The following ABHD11 variants were observed in gnomAD, a reference collection of about 807,000 sequenced individuals.
The protein encoded by ABHD11 is abhydrolase domain containing 11.
ABHD11 carries 26 observed loss-of-function variants against 29.0 expected under a neutral mutation model. That is an observed-to-expected ratio of 0.90 (90% CI 0.66 to 1.24). The LOEUF is 1.24. Among genes scored for constraint, ABHD11 ranks in the 50% most tolerant of loss-of-function variants. The pLI is 0.00. For synonymous variants in ABHD11, 169 were observed against 166.4 expected, an observed-to-expected ratio of 1.02 and a Z score of -0.12; for missense variants, 381 against 422.4, an observed-to-expected ratio of 0.90 and a Z score of 0.86.
chr7:73,736,548 G>C lies in ABHD11; in HGVS notation c.*11C>G. Reference sequence around the variant, plus strand: ...AGCCACCACGCCCGGCCATCTTCTTGCCAGCAACTCTTAGACCAGGAAGCC... The same window carrying C: ...AGCCACCACGCCCGGCCATCTTCTTCCCAGCAACTCTTAGACCAGGAAGCC... On this transcript the variant is annotated 3_prime_UTR_variant, in exon 6 of 6. Coordinates refer to ENST00000222800, the MANE Select transcript of ABHD11 (RefSeq NM_148912.4). The C allele has an allele frequency of 6.2e-7, 1 of 1,613,376 alleles. No homozygotes were observed.
In ABHD11 at chr7:73,736,970, C is replaced by A. The variant is rs139322195; in HGVS notation, c.747G>T (p.Gly249=). The A allele has an allele frequency of 3.6e-3, 5,753 of 1,613,602 alleles. 18 individuals carry two copies. Among genetic ancestry groups the A allele is most frequent in the Non-Finnish European group, 4.6e-3 (5,404 of 1,179,882 alleles). The change falls in exon 5 of 6, where the codon GGG becomes GGT. Residue 249 remains glycine (G), a synonymous_variant. Coordinates refer to ENST00000222800, the MANE Select transcript of ABHD11 (RefSeq NM_148912.4). Reference sequence around the variant, plus strand: ...TTCCACCAAGGAGAAAGAGTGTTGGCCCGAGGTAGGACTCCTGCCTCTGTG... The same window carrying A: ...TTCCACCAAGGAGAAAGAGTGTTGGACCGAGGTAGGACTCCTGCCTCTGTG... The part of the protein sequence containing the change: ...AFPQRQESYL[G]PTLFLLGGNS...
At chr7:73,738,245 G>A in intron 2 of ABHD11, 83 bp downstream of exon 2, 3 of 1,462,378 alleles carry the variant, frequency 2.1e-6, no homozygotes, top group South Asian at 1.3e-5. Context: ...CGTGAGAAGC[G>A]GGACCCCCCC....
Position 73,738,757 on chromosome 7 carries a change from G to T in ABHD11, c.14C>A (p.Thr5Asn), listed in dbSNP as rs1800262702. 1 of 1,608,868 alleles carries T rather than the reference G, an allele frequency of 6.2e-7. No individual in the cohort carries two copies. The highest frequency in any genetic ancestry group is 1.3e-5 in the African/African-American group (1 of 74,830). Residue 5 changes from threonine (T) to asparagine (N), a missense_variant, in exon 1 of 6, where the codon ACC (threonine) becomes AAC (asparagine). Coordinates refer to ENST00000222800, the MANE Select transcript of ABHD11 (RefSeq NM_148912.4). MLRWTRAWRLPREGL... is the reference protein window; with the variant it reads MLRWNRAWRLPREGL... ...CTCACGCGGGAGCCTCCAGGCTCGG[G>T]TCCAGCGGAGCATGCTTGCAAGCTG...
chr7:73,738,060 C>T (rs1354451951), intron 2 of ABHD11: 1 of 753,844 alleles, frequency 1.3e-6, no homozygotes, highest in Non-Finnish European at 2.4e-6. Context: ...AGGTGGTGAG[C>T]TCCCGGTCAT....
chr7:73,737,461 C>A (rs1356272852), intron 3 of ABHD11, 70 bp from the exon 4 acceptor site: 9 of 1,567,382 alleles, frequency 5.7e-6, no homozygotes, highest in Non-Finnish European at 7.8e-6. Flanking sequence ...GCTCCTGGAG[C>A]CTGAACTTGG....
rs782058518 is a variant in ABHD11, at chr7:73,737,642, G to T, written c.355C>A (p.Pro119Thr). The change falls in exon 3 of 6, where the codon CCC (proline) becomes ACC (threonine). Residue 119 changes from proline to threonine, a missense_variant. Transcript: ENST00000222800. ...IMSQDLQDLL[P>T]QLGLVPCVVV... is the part of the protein sequence containing the mutation. The stretch of plus-strand genomic sequence containing the variant: ...ACGCAGGGCACCAGGCCCAGCTGGG[G>T]CAGAAGGTCCTGCAGGTCCTGGCTC... 1 of 1,614,136 alleles carries T rather than the reference G, an allele frequency of 6.2e-7. No homozygotes were observed. Among genetic ancestry groups the T allele is most frequent in the South Asian group, 1.1e-5 (1 of 91,072 alleles).
At chr7:73,737,434 A>C in intron 3 of ABHD11, 43 bp from the exon 4 acceptor site, 2 of 1,583,052 alleles carry the variant, frequency 1.3e-6, no homozygotes, top group Non-Finnish European at 1.7e-6. Context: ...AGGCAGACAT[A>C]GGGAGTCTCA....
At chr7:73,737,779 T>C (rs1563600010) in intron 2 of ABHD11, 44 bp from the exon 3 acceptor site, 1 of 1,579,026 alleles carries the variant, frequency 6.3e-7, no homozygotes, top group African/African-American at 1.3e-5. Context: ...ATCCCCATTC[T>C]GGGGGTAGAC....
chr7:73,737,986 A>G, intron 2 of ABHD11: 1 of 764,324 alleles, frequency 1.3e-6, no homozygotes, highest in Middle Eastern at 2.2e-4. Context: ...ATCTCGGAGA[A>G]TGCCAGGAAG....
chr7:73,736,394 C>G lies in ABHD11; in HGVS notation c.*165G>C. On this transcript the variant is annotated 3_prime_UTR_variant, in exon 6 of 6. Transcript: ENST00000222800. ...AGCTGGGATTACAGGTGTGCACCACCACGCCAGGCTAATTTTTGTATTTTT... is the reference window on the plus strand; with the variant it reads ...AGCTGGGATTACAGGTGTGCACCACGACGCCAGGCTAATTTTTGTATTTTT... 1 of 870,458 alleles carries G rather than the reference C, an allele frequency of 1.1e-6. No individual in the cohort carries two copies. The highest frequency in any genetic ancestry group is 1.7e-6 in the Non-Finnish European group (1 of 583,090). The allele number at this position is 870,458 out of a possible 1,614,324, so 53.9% of individuals were successfully genotyped here. A position where few individuals can be genotyped will look rare whatever the true frequency, so the allele number is the denominator to read the frequency against.
chr7:73,737,822 G>C, intron 2 of ABHD11, 87 bp from the exon 3 acceptor site: 1 of 1,516,766 alleles, frequency 6.6e-7, no homozygotes, highest in African/African-American at 1.4e-5. Context: ...CAGGTCAAAG[G>C]TGTGGAGAGC....
rs781887318 is a variant in ABHD11 at position 73,738,487 on chromosome 7, A to G, written c.126-24T>C. 8.7e-6 allele frequency: 14 copies of G among 1,603,452 alleles called. No homozygotes were observed. In the South Asian group the frequency reaches 1.6e-4, roughly 18 times the overall value. On this transcript the variant is annotated intron_variant, in intron 1 of 5. Coordinates refer to ENST00000222800, the MANE Select transcript of ABHD11 (RefSeq NM_148912.4). Reference sequence around the variant, plus strand: ...GCCTGGCAGGGGAAGGATCGAGGTCAGAGTCTGAGCCGGCGGAGACGGGGA... The same window carrying G: ...GCCTGGCAGGGGAAGGATCGAGGTCGGAGTCTGAGCCGGCGGAGACGGGGA...
At chr7:73,738,010 T>C (rs1309554329) in intron 2 of ABHD11, 7 of 747,692 alleles carry the variant, frequency 9.4e-6, no homozygotes, top group African/African-American at 1.7e-5. Context: ...ACTCCAGGAA[T>C]TTCCAACAGT....
Position 73,736,587 on chromosome 7 carries a change from A to G in ABHD11, c.893T>C (p.Ile298Thr), listed in dbSNP as rs781955907. ...GACCAGGAAGCCTCGGATGGCAGCT[A>G]TGAAGTCCTGTGGGCGGTCAGCGTG... ...WIHADRPQDFIAAIRGFLV is the reference protein window; with the variant it reads ...WIHADRPQDFTAAIRGFLV Residue 298 changes from isoleucine (I) to threonine (T), a missense_variant, in exon 6 of 6, where the codon ATA (isoleucine) becomes ACA (threonine). Ile to Thr is a moderately conservative substitution (Grantham distance 89). Coordinates refer to ENST00000222800, the MANE Select transcript of ABHD11 (RefSeq NM_148912.4). The G allele has an allele frequency of 1.9e-6, 3 of 1,613,980 alleles. No homozygotes were observed. Among genetic ancestry groups the G allele is most frequent in the Admixed American group, 3.3e-5 (2 of 59,986 alleles).
intron 2 of ABHD11, 80 bp downstream of exon 2, chr7:73,738,248 A>G: frequency 8.2e-7 from 1 of 1,222,002 alleles, no homozygotes; most frequent in African/African-American, 1.6e-5. Context: ...GAGAAGCGGG[A>G]CCCCCCCTGC....
At chr7:73,738,276 C>CCCCCCCCCA in intron 2 of ABHD11, 52 bp downstream of exon 2, 1 of 1,330,648 alleles carries the variant, frequency 7.5e-7, no homozygotes, top group African/African-American at 1.5e-5. Flanking sequence ...CCTCTCAGGC[C>CCCCCCCCCA]CCGCCCACTC....
intron 2 of ABHD11, 86 bp from the exon 3 acceptor site, chr7:73,737,821 G>A (rs1800074676): frequency 2.6e-6 from 4 of 1,516,764 alleles, no homozygotes; most frequent in Non-Finnish European, 3.5e-6. Flanking sequence ...GCAGGTCAAA[G>A]GTGTGGAGAG....
chr7:73,737,850 G>A (rs905202195), intron 2 of ABHD11, 115 bp from the exon 3 acceptor site: 4 of 1,429,596 alleles, frequency 2.8e-6, no homozygotes, highest in Admixed American at 2.5e-5. Flanking sequence ...TACACCCTGT[G>A]GAGGGGAAGG....
At chr7:73,738,125 G>T in intron 2 of ABHD11, 1 of 1,006,848 alleles carries the variant, frequency 9.9e-7, no homozygotes, top group Non-Finnish European at 1.5e-6. Flanking sequence ...CTAGGCATGG[G>T]CCAGCCCCGA....
Sources: gnomAD v4.1 joint callset for allele counts on GRCh38, gnomAD v4.1.1 for gene constraint, MANE v1.5 for transcripts, NCBI Gene and HGNC (gene_info 2026-07-23, HGNC 2026-07-21) for gene names.